The following TPM4 variants were observed in gnomAD, a reference collection of about 807,000 sequenced individuals.
The protein encoded by TPM4 is tropomyosin alpha-4 chain.
Under a neutral mutation model 35.8 loss-of-function variants are expected in TPM4, and 17 were observed. That is an observed-to-expected ratio of 0.47 (90% CI 0.32 to 0.71). The LOEUF (loss-of-function observed/expected upper bound fraction) is 0.71. Ranked by LOEUF, TPM4 falls within the 30% of genes least tolerant of loss-of-function variation. TPM4 has a pLI of 0.03. For synonymous variants in TPM4, 120 were observed against 122.9 expected, an observed-to-expected ratio of 0.98 and a Z score of 0.15; for missense variants, 240 against 320.9, an observed-to-expected ratio of 0.75 and a Z score of 1.93.
intron 3 of TPM4, among the ~76,000 whole-genome samples, chr19:16,087,301 G>A (rs1169675338): frequency 6.6e-6 from 1 of 152,120 alleles, no homozygotes; most frequent in Non-Finnish European, 1.5e-5. Context: ...AAAGGGCTGG[G>A]CATGGTGGCT....
At position 16,085,030 on chromosome 19, in the gene TPM4, C is replaced by T. The variant is rs984025695; in HGVS notation, c.267-1393C>T. On this transcript the variant is annotated intron_variant, in intron 2 of 7. Coordinates refer to ENST00000643579, the MANE Select transcript of TPM4 (RefSeq NM_003290.3). ...CCAGCCCTTTGGGAGGCGGGCGGAT[C>T]GCTTGAGCCCAGGAGTTTGAGACCA... Among the ~76,000 whole-genome samples, 8 of 151,874 alleles carry T rather than the reference C, an allele frequency of 5.3e-5. No homozygotes were observed. The South Asian group carries it at 8.3e-4, about 16-fold the overall frequency.
chr19:16,076,869 T>G, intron 1 of TPM4, 172 bp downstream of exon 1: 28 of 1,197,174 alleles, frequency 2.3e-5, no homozygotes, highest in East Asian at 1.1e-4. Flanking sequence ...GACCCCCTAC[T>G]TCCTCCGCCG....
chr19:16,097,262 G>T (rs2090712467), intron 7 of TPM4, among the ~76,000 whole-genome samples: 1 of 149,708 alleles, frequency 6.7e-6, no homozygotes, highest in South Asian at 2.1e-4. Flanking sequence ...CCCAGGCTAT[G>T]CTTTGCTTTT....
At chr19:16,087,972 G>A in intron 3 of TPM4, 55 bp from the exon 4 acceptor site, 2 of 1,569,918 alleles carry the variant, frequency 1.3e-6, no homozygotes, top group Admixed American at 1.9e-5. Flanking sequence ...GCAGTGGATG[G>A]GAGAGGACAC....
At position 16,081,969 on chromosome 19, in the gene TPM4, G is replaced by A; in HGVS notation, c.189G>A (p.Leu63=). The part of the protein sequence containing the change: ...NRRIQLVEEE[L]DRAQERLATA... ...GCATCCAGCTCGTTGAGGAGGAGTTGGACAGGGCTCAGGAACGACTGGCCA... is the reference window on the plus strand; with the variant it reads ...GCATCCAGCTCGTTGAGGAGGAGTTAGACAGGGCTCAGGAACGACTGGCCA... The change falls in exon 2 of 8, where the codon TTG becomes TTA. Residue 63 remains leucine (L), a synonymous_variant. Transcript: ENST00000643579. 1 of 1,611,306 alleles carries A rather than the reference G, an allele frequency of 6.2e-7. No individual in the cohort carries two copies. Among genetic ancestry groups the A allele is most frequent in the African/African-American group, 1.3e-5 (1 of 75,010 alleles).
In TPM4 at chr19:16,102,304, G is replaced by A. The variant is rs779339609; in HGVS notation, c.*958G>A. The A allele has an allele frequency of 2.4e-4, 47 of 195,552 alleles. No homozygotes were observed. The highest frequency in any genetic ancestry group is 1.2e-3 in the Admixed American group (20 of 16,454). The allele number at this position is 195,552 out of a possible 1,614,324, so 12.1% of individuals were successfully genotyped here. ...CAGTGAGCCGATATCGCACCACAGC[G>A]CTCCAGCCTGGTCGACAGAGTGAGA... On this transcript the variant is annotated 3_prime_UTR_variant, in exon 8 of 8. Transcript: ENST00000643579.
intron 2 of TPM4, among the ~76,000 whole-genome samples, chr19:16,068,273 G>A (rs2090318645): frequency 6.6e-6 from 1 of 151,940 alleles, no homozygotes; most frequent in African/African-American, 2.4e-5. Context: ...CGCCTCCTGC[G>A]TTCAGGCGAT....
chr19:16,101,240 C>T, intron 7 of TPM4, 24 bp from the exon 8 acceptor site: 1 of 1,533,444 alleles, frequency 6.5e-7, no homozygotes, highest in South Asian at 1.2e-5. Context: ...ATTTATCTTT[C>T]CCCATACTCT....
At chr19:16,091,482 A>G (rs1339007232) in intron 5 of TPM4, among the ~76,000 whole-genome samples, 1 of 152,196 alleles carries the variant, frequency 6.6e-6, no homozygotes, top group African/African-American at 2.4e-5. Flanking sequence ...GCGACATTTA[A>G]AACAGCTGTA....
upstream of TPM4, chr19:16,075,737 G>A (rs1384313251): frequency 3.6e-6 from 1 of 277,692 alleles, no homozygotes. Context: ...AAACTGGAAT[G>A]TGTGTATTTC....
intron 1 of TPM4, chr19:16,080,843 G>T (rs1355382950): frequency 2.5e-6 from 1 of 393,248 alleles, no homozygotes; most frequent in African/African-American, 2.1e-5. Flanking sequence ...ACAAAGCGGG[G>T]ATTCCAGCCC....
upstream of TPM4, chr19:16,075,971 G>C: frequency 6.5e-7 from 1 of 1,527,610 alleles, no homozygotes; most frequent in Non-Finnish European, 8.8e-7. Flanking sequence ...TGTGAATATT[G>C]GGGGGGACCG....
At chr19:16,098,791 A>AAT (rs1233733963) in intron 7 of TPM4, among the ~76,000 whole-genome samples, 4 of 152,000 alleles carry the variant, frequency 2.6e-5, no homozygotes. Context: ...TATTCATAAT[A>AAT]ATATTTTATT....
intron 7 of TPM4, chr19:16,099,797 C>T (rs1419947258): frequency 6.6e-6 from 1 of 152,052 alleles, no homozygotes; most frequent in East Asian, 1.9e-4. Flanking sequence ...TCTTTTTTCT[C>T]TCTCTCTTTC....
upstream of TPM4, chr19:16,076,379 G>C (rs950059724): frequency 2.1e-6 from 3 of 1,407,236 alleles, no homozygotes; most frequent in African/African-American, 4.5e-5. Context: ...CAGCGGTGCT[G>C]ACGTCGGCGG....
At chr19:16,076,920 T>C in intron 1 of TPM4, 1 of 959,650 alleles carries the variant, frequency 1.0e-6, no homozygotes, top group Non-Finnish European at 1.3e-6. Context: ...GGGCGCCGCC[T>C]CCGGGTCGGG....
intron 1 of TPM4, chr19:16,078,138 T>G (rs1470460235): frequency 5.0e-6 from 2 of 398,500 alleles, no homozygotes; most frequent in Non-Finnish European, 8.8e-6. Context: ...GCTGACTCAC[T>G]GATGGAGCGA....
intron 3 of TPM4, among the ~76,000 whole-genome samples, chr19:16,087,688 C>G (rs1178856466): frequency 1.3e-5 from 2 of 152,128 alleles, no homozygotes; most frequent in Non-Finnish European, 1.5e-5. Context: ...CGAGACCAGC[C>G]TGGCCACTAC....
intron 2 of TPM4, among the ~76,000 whole-genome samples, 159 bp downstream of exon 2, chr19:16,082,205 A>G (rs1479963945): frequency 6.6e-6 from 1 of 152,218 alleles, no homozygotes; most frequent in Non-Finnish European, 1.5e-5. Flanking sequence ...CCATCACTCC[A>G]TGGGTAGAGA....
Sources: gnomAD v4.1 joint callset for allele counts (sites outside exome capture counted in the v4.1 genomes callset) on GRCh38, gnomAD v4.1.1 for gene constraint, MANE v1.5 for transcripts, NCBI Gene and HGNC (gene_info 2026-07-23, HGNC 2026-07-21) for gene names.